RILPL1: variants seen among roughly 807,000 people sequenced by gnomAD.
The protein encoded by RILPL1 is RILP-like protein 1.
A neutral mutation model predicts 50.3 loss-of-function variants in RILPL1; 33 were observed. The observed-to-expected ratio is 0.66, with a 90% CI of 0.50 to 0.88. The LOEUF (loss-of-function observed/expected upper bound fraction) is 0.88, where lower values mean the gene tolerates loss of function less well. Ranked by LOEUF, RILPL1 falls within the 40% of genes least tolerant of loss-of-function variation. The pLI is 0.00. For missense variants in RILPL1, 418 were observed against 542.5 expected, an observed-to-expected ratio of 0.77 and a Z score of 2.28; for synonymous variants, 205 against 228.6, an observed-to-expected ratio of 0.90 and a Z score of 0.93.
chr12:123,511,916 GTGTC>G (rs1373910828), intron 2 of RILPL1, among the ~76,000 whole-genome samples: 6 of 126,760 alleles, frequency 4.7e-5, no homozygotes, highest in East Asian at 2.7e-4. Context: ...TGTGAGGTCT[GTGTC>G]TGTGTGTGGT....
At chr12:123,532,282 CAT>C (rs1182325538) in intron 1 of RILPL1, among the ~76,000 whole-genome samples, 4 of 152,222 alleles carry the variant, frequency 2.6e-5, no homozygotes, top group Non-Finnish European at 4.4e-5. Flanking sequence ...CAGGAAACCA[CAT>C]GTCTTTCACT....
chr12:123,511,205 T>G (rs567907287), intron 2 of RILPL1, among the ~76,000 whole-genome samples: 1 of 129,438 alleles, frequency 7.7e-6, no homozygotes, highest in African/African-American at 3.0e-5. Context: ...GTGTGAGGTC[T>G]GTATGTGTGT....
intron 4 of RILPL1, among the ~76,000 whole-genome samples, chr12:123,493,583 A>AT (rs1882834948): frequency 1.3e-5 from 2 of 152,048 alleles, no homozygotes; most frequent in Admixed American, 1.3e-4. Flanking sequence ...AATGAGACAG[A>AT]TTCCTTTCTA....
In RILPL1 at chr12:123,533,096, A is replaced by G; in HGVS notation, c.309+78T>C. 1.5e-6 allele frequency: 2 copies of G among 1,368,640 alleles called. No homozygotes were observed. Among genetic ancestry groups the G allele is most frequent in the Non-Finnish European group, 2.0e-6 (2 of 1,021,222 alleles). 84.8% of individuals were successfully genotyped at this position (1,368,640 alleles called of 1,614,324 possible). A position where few individuals can be genotyped will look rare whatever the true frequency, so the allele number is the denominator to read the frequency against. On this transcript the variant is annotated intron_variant, in intron 1 of 6. Transcript: ENST00000376874. This position sits in a 1 kb window ranked among gnomAD's most constrained non-coding sequence, Gnocchi z 6.2. ...CCTGAACACACACACGTGCGCACCC[A>G]CAGCTGCCCAATGCGGAAGAGCCCT...
rs940525355 is a variant in RILPL1, at chr12:123,522,368, G to A, written c.460+1127C>T. On this transcript the variant is annotated intron_variant, in intron 2 of 6. Coordinates refer to ENST00000376874, the MANE Select transcript of RILPL1 (RefSeq NM_178314.5). This position sits in a 1 kb window ranked among gnomAD's most constrained non-coding sequence, Gnocchi z 4.0. ...GCACCAGCAGAGGCCCTGCATGAAGGTTCTAAACAAGTGCTTATTGGATAA... is the reference window on the plus strand; with the variant it reads ...GCACCAGCAGAGGCCCTGCATGAAGATTCTAAACAAGTGCTTATTGGATAA... Among the ~76,000 whole-genome samples, 2 of 152,212 alleles carry A rather than the reference G, an allele frequency of 1.3e-5. No homozygotes were observed. The highest frequency in any genetic ancestry group is 4.8e-5 in the African/African-American group (2 of 41,452).
chr12:123,517,753 G>A (rs909599642), intron 2 of RILPL1, among the ~76,000 whole-genome samples: 2 of 152,076 alleles, frequency 1.3e-5, no homozygotes, highest in African/African-American at 4.8e-5. Flanking sequence ...ATCCAATTCG[G>A]TAGCCACCAG....
At chr12:123,529,395 G>T (rs113246895) in intron 1 of RILPL1, among the ~76,000 whole-genome samples, 1 of 152,038 alleles carries the variant, frequency 6.6e-6, no homozygotes, top group African/African-American at 2.4e-5. Context: ...AGGTTCAAGC[G>T]ATTCTCCTGC....
rs35865984 is a variant in RILPL1, at chr12:123,489,671, TA to T, written c.802-3867del. The stretch of plus-strand genomic sequence containing the variant: ...AGAGCGACAGAGTAAGACTCCATCT[TA>T]AAAAAAAAAAAAATAGTGCACAGAC... On this transcript the variant is annotated intron_variant, in intron 4 of 6. Coordinates refer to ENST00000376874, the MANE Select transcript of RILPL1 (RefSeq NM_178314.5). This position sits in a 1 kb window ranked among gnomAD's most constrained non-coding sequence, Gnocchi z 4.0. Among the ~76,000 whole-genome samples, 1,638 of 142,230 alleles carry T rather than the reference TA, an allele frequency of 0.012. 9 individuals are homozygous for T. The highest frequency in any genetic ancestry group is 0.026 in the African/African-American group (1,013 of 38,562). The allele number at this position is 142,230 out of a possible 152,430, so 93.3% of individuals were successfully genotyped here.
rs1445857482 is a variant in RILPL1 at position 123,500,565 on chromosome 12, G to T, written c.461-1029C>A. ...CTCCCGAAGTGCTGGGATTACAGGC[G>T]TGAGCCACCGCACCCAGCCTCTTAC... On this transcript the variant is annotated intron_variant, in intron 2 of 6. Coordinates refer to ENST00000376874, the MANE Select transcript of RILPL1 (RefSeq NM_178314.5). 2.6e-5 allele frequency among the ~76,000 whole-genome samples: 4 copies of T among 152,186 alleles called. No homozygotes were observed. In the South Asian group the frequency reaches 8.3e-4, roughly 32 times the overall value.
Position 123,472,682 on chromosome 12 carries a change from C to A in RILPL1, c.1068G>T (p.Leu356=). ...TCTTATCTCGGGAGAAGAAGCTAAA[C>A]CTTTGGAAGGGAAAGCAAACACAGA... ...SPQPESGIKR[L]FSFFSRDKKR... Residue 356 remains leucine (L), a splice_region_variant and synonymous_variant, in exon 7 of 7, where the codon CTG becomes CTT. Transcript: ENST00000376874. The A allele has an allele frequency of 6.3e-7, 1 of 1,595,118 alleles. No individual in the cohort carries two copies. Among genetic ancestry groups the A allele is most frequent in the Non-Finnish European group, 8.5e-7 (1 of 1,170,704 alleles).
At chr12:123,511,536 G>T (rs111068581) in intron 2 of RILPL1, among the ~76,000 whole-genome samples, 2,856 of 134,470 alleles carry the variant, frequency 0.021, 100 homozygotes, top group African/African-American at 0.072. Flanking sequence ...TGGTGTGTGT[G>T]AGGTCTGTGT....
intron 1 of RILPL1, among the ~76,000 whole-genome samples, chr12:123,532,350 CAG>C (rs1885463756): frequency 1.3e-5 from 2 of 152,168 alleles, no homozygotes; most frequent in Admixed American, 1.3e-4. Flanking sequence ...GGCCCTGATT[CAG>C]AGAGACTCCT....
At chr12:123,477,979 C>A in intron 6 of RILPL1, among the ~76,000 whole-genome samples, 1 of 132,740 alleles carries the variant, frequency 7.5e-6, no homozygotes, top group Non-Finnish European at 1.6e-5. Flanking sequence ...GTTACTCCAT[C>A]TGTATGTCTT....
chr12:123,517,865 C>T (rs1260131953), intron 2 of RILPL1, among the ~76,000 whole-genome samples: 5 of 152,140 alleles, frequency 3.3e-5, no homozygotes, highest in African/African-American at 2.4e-5. Context: ...AAATGTAGGG[C>T]CTGCACACAA....
In RILPL1 at chr12:123,498,049, C is replaced by T. The variant is rs911032457; in HGVS notation, c.801+495G>A. 4.6e-5 allele frequency among the ~76,000 whole-genome samples: 7 copies of T among 152,222 alleles called. No homozygotes were observed. The highest frequency in any genetic ancestry group is 9.6e-5 in the African/African-American group (4 of 41,530). On this transcript the variant is annotated intron_variant, in intron 4 of 6. Coordinates refer to ENST00000376874, the MANE Select transcript of RILPL1 (RefSeq NM_178314.5). This position sits in a 1 kb window ranked among gnomAD's most constrained non-coding sequence, Gnocchi z 4.3. ...TTGCTCGCTATTTTATCCTCTGGGC[C>T]GGCTACACAGTCAACAATCATTGGT...
intron 4 of RILPL1, among the ~76,000 whole-genome samples, chr12:123,490,235 C>A: frequency 6.6e-6 from 1 of 152,124 alleles, no homozygotes; most frequent in East Asian, 1.9e-4. Context: ...GGGGAAAGAG[C>A]AAAGCCCTTC....
intron 1 of RILPL1, among the ~76,000 whole-genome samples, chr12:123,526,258 A>T (rs1029726399): frequency 9.2e-5 from 14 of 152,172 alleles, no homozygotes; most frequent in African/African-American, 3.1e-4. Context: ...GTGAGCCGAG[A>T]TCAAGCCACT....
chr12:123,481,350 C>T (rs902881457), intron 6 of RILPL1, among the ~76,000 whole-genome samples: 2 of 145,876 alleles, frequency 1.4e-5, no homozygotes, highest in Non-Finnish European at 1.5e-5. Flanking sequence ...TGGAGTGAGA[C>T]TCCCTCTCAA....
rs565140612 is a variant in RILPL1 at position 123,494,554 on chromosome 12, C to T, written c.801+3990G>A. On this transcript the variant is annotated intron_variant, in intron 4 of 6. Coordinates refer to ENST00000376874, the MANE Select transcript of RILPL1 (RefSeq NM_178314.5). The stretch of plus-strand genomic sequence containing the variant: ...GGGAGTCTCGATGTTCTTGAGACCC[C>T]GGTGTGGGCCAGGCCCTGCCTGGCC... Among the ~76,000 whole-genome samples the T allele has an allele frequency of 2.4e-4, 36 of 152,212 alleles. No homozygotes were observed. In the South Asian group the frequency reaches 6.9e-3, roughly 29 times the overall value.
Sources: gnomAD v4.1 joint callset for allele counts (sites outside exome capture counted in the v4.1 genomes callset) on GRCh38, gnomAD v4.1.1 for gene constraint, Gnocchi (gnomAD v3.1) non-coding constraint, MANE v1.5 for transcripts, NCBI Gene and HGNC (gene_info 2026-07-23, HGNC 2026-07-21) for gene names.